THSD4: variants seen among roughly 807,000 people sequenced by gnomAD.
THSD4 encodes thrombospondin type-1 domain-containing protein 4.
THSD4 carries 69 observed loss-of-function variants against 119.0 expected under a neutral mutation model. The ratio of observed to expected loss-of-function variants is 0.58; its 90% CI spans 0.48 to 0.71. The LOEUF (loss-of-function observed/expected upper bound fraction) is 0.71, where lower values mean the gene tolerates loss of function less well. THSD4 is among the 30% of genes least tolerant of loss of function. The pLI, the probability that THSD4 is intolerant of heterozygous loss-of-function variation, is 0.00. For synonymous variants in THSD4, 524 were observed against 540.4 expected (o/e 0.97, Z 0.42); for missense variants, 1,393 against 1,391.1 (o/e 1.00, Z -0.02).
chr15:71,112,168 C>T (rs746371117), upstream of THSD4: 10 of 1,613,742 alleles, frequency 6.2e-6, no homozygotes, highest in Admixed American at 1.7e-5. Context: ...CGCTGTGCTG[C>T]AGGCTGGGAA....
intron 6 of THSD4, among the ~76,000 whole-genome samples, chr15:71,282,966 A>ATTT (rs573742429): frequency 3.1e-5 from 4 of 130,994 alleles, no homozygotes; most frequent in Admixed American, 7.7e-5. Context: ...GGCAGGTTAG[A>ATTT]TTTTTTTTTT....
In THSD4 at chr15:71,141,438, C is replaced by A. The variant is rs930380239; in HGVS notation, c.-79-11C>A. 9.7e-6 allele frequency: 13 copies of A among 1,336,394 alleles called. No individual in the cohort carries two copies. The highest frequency in any genetic ancestry group is 4.2e-5 in the South Asian group (3 of 71,832). The allele number at this position is 1,336,394 out of a possible 1,614,324, so 82.8% of individuals were successfully genotyped here. A position where few individuals can be genotyped will look rare whatever the true frequency, so the allele number is the denominator to read the frequency against. The stretch of plus-strand genomic sequence containing the variant: ...AAATGTTGCTAAAAATAACATTGTT[C>A]ATTTCCATAGGACTTGAACGCAACT... On this transcript the variant is annotated splice_polypyrimidine_tract_variant and intron_variant, in intron 1 of 17. Transcript: ENST00000261862.
intron 6 of THSD4, among the ~76,000 whole-genome samples, chr15:71,265,202 A>G (rs1258740911): frequency 6.6e-6 from 1 of 152,090 alleles, no homozygotes; most frequent in Non-Finnish European, 1.5e-5. Flanking sequence ...TGCAGCTCCC[A>G]GCAAGATCAA....
chr15:71,167,378 A>C (rs980275656), intron 3 of THSD4, among the ~76,000 whole-genome samples: 2 of 152,236 alleles, frequency 1.3e-5, no homozygotes, highest in Non-Finnish European at 2.9e-5. Flanking sequence ...GTTCCAATAA[A>C]ACTTTATTTA....
intron 7 of THSD4, among the ~76,000 whole-genome samples, chr15:71,640,083 C>G (rs779053607): frequency 6.6e-6 from 1 of 151,762 alleles, no homozygotes; most frequent in Non-Finnish European, 1.5e-5. Flanking sequence ...CTTTTTTTTG[C>G]AACTTTCTTT....
At chr15:71,172,682 CATATATATAT>C (rs71152331) in intron 3 of THSD4, among the ~76,000 whole-genome samples, 1,942 of 24,112 alleles carry the variant, frequency 0.081, 36 homozygotes, top group Non-Finnish European at 0.1. Context: ...TAGACCTATA[CATATATATAT>C]ATATATATAT....
At chr15:71,366,675 C>T (rs1337064075) in intron 6 of THSD4, among the ~76,000 whole-genome samples, 1 of 152,180 alleles carries the variant, frequency 6.6e-6, no homozygotes, top group Non-Finnish European at 1.5e-5. Context: ...CAGTCTGGCT[C>T]TCTCCCCAGT....
intron 1 of THSD4, among the ~76,000 whole-genome samples, chr15:71,136,335 A>G (rs552153149): frequency 6.6e-6 from 1 of 152,188 alleles, no homozygotes; most frequent in South Asian, 2.1e-4. Flanking sequence ...CTGCGAACAG[A>G]TGGTCAAGGT....
At chr15:71,121,318 CT>C (rs549048543) in intron 1 of THSD4, among the ~76,000 whole-genome samples, 3 of 151,632 alleles carry the variant, frequency 2.0e-5, no homozygotes, top group Non-Finnish European at 4.4e-5. Context: ...ATGCTCAAAA[CT>C]ATCTCAGGCG....
intron 6 of THSD4, among the ~76,000 whole-genome samples, chr15:71,279,357 A>G (rs1379354253): frequency 2.6e-5 from 4 of 152,134 alleles, no homozygotes; most frequent in Non-Finnish European, 4.4e-5. Context: ...TCAATCAGTC[A>G]TGATGCCTGG....
chr15:71,467,811 C>G (rs1005217381), intron 7 of THSD4, among the ~76,000 whole-genome samples: 12 of 150,812 alleles, frequency 8.0e-5, no homozygotes, highest in Admixed American at 4.0e-4. Context: ...CATGCTGTTC[C>G]CATGATATTG....
In THSD4 at chr15:71,138,974, TC is replaced by T. The variant is rs367762400; in HGVS notation, c.-79-2466del. On this transcript the variant is annotated intron_variant, in intron 1 of 17. Transcript: ENST00000261862. ...ATGAGGTAGTTACAAACAGTATCCC[TC>T]CCCCCCCCATTTTACAGATGAAGAA... Among the ~76,000 whole-genome samples the T allele has an allele frequency of 1.8e-4, 25 of 139,322 alleles. 1 individual carries two copies. Among genetic ancestry groups the T allele is most frequent in the South Asian group, 7.1e-4 (3 of 4,250 alleles). The allele number at this position is 139,322 out of a possible 152,430, so 91.4% of individuals were successfully genotyped here. A position where few individuals can be genotyped will look rare whatever the true frequency, so the allele number is the denominator to read the frequency against.
chr15:71,479,246 A>AG (rs1433951038), intron 7 of THSD4, among the ~76,000 whole-genome samples: 6 of 144,362 alleles, frequency 4.2e-5, no homozygotes, highest in Non-Finnish European at 9.0e-5. Context: ...AAGGTACTAG[A>AG]TGGACATATT....
intron 7 of THSD4, among the ~76,000 whole-genome samples, chr15:71,457,542 C>T: frequency 6.6e-6 from 1 of 152,126 alleles, no homozygotes; most frequent in East Asian, 1.9e-4. Flanking sequence ...TCCCAGAGCT[C>T]CAGCCTCCCA....
chr15:71,291,766 ATCTT>A (rs1359051203), intron 6 of THSD4, among the ~76,000 whole-genome samples: 2 of 152,218 alleles, frequency 1.3e-5, no homozygotes, highest in African/African-American at 2.4e-5. Context: ...TCACTGCAAT[ATCTT>A]TCTGACATCT....
At chr15:71,511,247 TAACAGACATTTGGTATTGGACTGAGGC>T (rs1442290328) in intron 7 of THSD4, among the ~76,000 whole-genome samples, 1 of 152,204 alleles carries the variant, frequency 6.6e-6, no homozygotes, top group African/African-American at 2.4e-5. Flanking sequence ...AGGGACGTTT[TAACAGACATTTGGTATTGGACTGAGGC>T]AGAGTTTGGG....
At chr15:71,477,963 GA>G (rs1215420896) in intron 7 of THSD4, among the ~76,000 whole-genome samples, 1 of 60,844 alleles carries the variant, frequency 1.6e-5, no homozygotes, top group Non-Finnish European at 4.1e-5. Context: ...GGTCCCCAAG[GA>G]TGGGGAGGTG....
chr15:71,109,376 AG>A (rs1166623977), intron 1 of THSD4, among the ~76,000 whole-genome samples: 2 of 152,238 alleles, frequency 1.3e-5, no homozygotes, highest in Non-Finnish European at 1.5e-5. Flanking sequence ...TTAAAAAAGA[AG>A]TCACATACTT....
At chr15:71,566,790 T>C (rs1437054670) in intron 7 of THSD4, among the ~76,000 whole-genome samples, 1 of 142,386 alleles carries the variant, frequency 7.0e-6, no homozygotes, top group Non-Finnish European at 1.5e-5. Flanking sequence ...GGTCATCACC[T>C]TGAGAGATCT....
Sources: allele counts gnomAD v4.1 joint callset (sites outside exome capture counted in the v4.1 genomes callset), GRCh38; gene constraint gnomAD v4.1.1; transcripts MANE v1.5; gene names NCBI Gene and HGNC (gene_info 2026-07-23, HGNC 2026-07-21).